The following PTPRQ variants were observed in gnomAD, a reference collection of about 807,000 sequenced individuals.
PTPRQ encodes the protein protein tyrosine phosphatase receptor type Q.
A neutral mutation model predicts 246.0 loss-of-function variants in PTPRQ; 199 were observed. The observed-to-expected ratio is 0.81, with a 90% CI of 0.72 to 0.91. The LOEUF (loss-of-function observed/expected upper bound fraction) is 0.91. Ranked by LOEUF, PTPRQ falls within the 40% of genes least tolerant of loss-of-function variation. The pLI, the probability that PTPRQ is intolerant of heterozygous loss-of-function variation, is 0.00. For missense variants in PTPRQ, 2,624 were observed against 2,528.4 expected, an observed-to-expected ratio of 1.04 and a Z score of -0.81; for synonymous variants, 869 against 853.2, an observed-to-expected ratio of 1.02 and a Z score of -0.32.
chr12:80,535,936 T>C (rs1380542032), intron 19 of PTPRQ, among the ~76,000 whole-genome samples: 1 of 152,010 alleles, frequency 6.6e-6, no homozygotes, highest in Non-Finnish European at 1.5e-5. Flanking sequence ...TGAAACCCCG[T>C]CTCTACTAAA....
chr12:80,642,772 T>C (rs1899912898), intron 35 of PTPRQ, among the ~76,000 whole-genome samples: 11 of 149,588 alleles, frequency 7.4e-5, no homozygotes, highest in Admixed American at 7.3e-4. Flanking sequence ...TACAAAAAAT[T>C]AGCCGGGCGT....
intron 1 of PTPRQ, 86 bp from the exon 2 acceptor site, chr12:80,444,655 A>G: frequency 1.0e-6 from 1 of 975,416 alleles, no homozygotes; most frequent in Non-Finnish European, 1.6e-6. Flanking sequence ...GTGAAGAGTT[A>G]ATTTTTGTTA....
chr12:80,483,817 G>A (rs561268826), intron 8 of PTPRQ, among the ~76,000 whole-genome samples: 2 of 151,732 alleles, frequency 1.3e-5, no homozygotes, highest in East Asian at 3.9e-4. Flanking sequence ...TCCCTCTTAT[G>A]AGTGTGAACA....
chr12:80,674,940 TG>T (rs1318158640), intron 43 of PTPRQ, among the ~76,000 whole-genome samples: 3 of 152,174 alleles, frequency 2.0e-5, no homozygotes, highest in Non-Finnish European at 4.4e-5. Flanking sequence ...GCCAATTTTT[TG>T]TCATTCATTT....
intron 23 of PTPRQ, among the ~76,000 whole-genome samples, chr12:80,543,888 A>G (rs1210687286): frequency 6.6e-6 from 1 of 152,108 alleles, no homozygotes; most frequent in Non-Finnish European, 1.5e-5. Flanking sequence ...TTTAATATCT[A>G]TCCCTGGTTT....
In PTPRQ at chr12:80,620,245, A is replaced by G; in HGVS notation, c.5481A>G (p.Pro1827=). Residue 1827 remains proline, a synonymous_variant, in exon 32 of 45, where the codon CCA becomes CCG. Coordinates refer to ENST00000644991, the MANE Select transcript of PTPRQ (RefSeq NM_001145026.2). ...YFTNEGFPNP[P]CTEGKTKFSG... ...CAAATGAAGGCTTTCCTAACCCTCCATGTACAGAAGGAAAGACAAAGTTTA... is the reference window on the plus strand; with the variant it reads ...CAAATGAAGGCTTTCCTAACCCTCCGTGTACAGAAGGAAAGACAAAGTTTA... 6.5e-7 allele frequency: 1 copy of G among 1,549,458 alleles called. No individual in the cohort carries two copies. Among genetic ancestry groups the G allele is most frequent in the East Asian group, 2.4e-5 (1 of 40,834 alleles).
At chr12:80,511,649 T>C (rs1307146934) in intron 17 of PTPRQ, among the ~76,000 whole-genome samples, 1 of 152,184 alleles carries the variant, frequency 6.6e-6, no homozygotes, top group African/African-American at 2.4e-5. Context: ...GAAGTGTCAT[T>C]GAGCTGTGAT....
intron 30 of PTPRQ, 135 bp downstream of exon 30, chr12:80,616,401 T>A (rs1898763730): frequency 2.8e-6 from 2 of 723,534 alleles, no homozygotes; most frequent in East Asian, 8.5e-5. Context: ...TAAGTAAAAA[T>A]GTGTGGTTAT....
At chr12:80,573,275 G>A (rs978454334) in intron 25 of PTPRQ, among the ~76,000 whole-genome samples, 1 of 152,160 alleles carries the variant, frequency 6.6e-6, no homozygotes, top group Non-Finnish European at 1.5e-5. Context: ...GGATCACGAG[G>A]TCAGTAGATC....
At chr12:80,648,580 C>A (rs1900154132) in intron 35 of PTPRQ, among the ~76,000 whole-genome samples, 1 of 151,910 alleles carries the variant, frequency 6.6e-6, no homozygotes, top group East Asian at 1.9e-4. Flanking sequence ...AAATACCATG[C>A]AATATATTAA....
In PTPRQ at chr12:80,444,853, A is replaced by G; in HGVS notation, c.163+4A>G. ...ATAGTGACAACAAATGTAACAAGTG[A>G]GTATATGTTTTAAATTACTTTGTAA... On this transcript the variant is annotated splice_donor_region_variant and intron_variant, in intron 2 of 44. Transcript: ENST00000644991. The G allele has an allele frequency of 6.6e-7, 1 of 1,519,270 alleles. No individual in the cohort carries two copies. Among genetic ancestry groups the G allele is most frequent in the African/African-American group, 1.4e-5 (1 of 72,042 alleles). 94.1% of individuals were successfully genotyped at this position (1,519,270 alleles called of 1,614,324 possible). A position where few individuals can be genotyped will look rare whatever the true frequency, so the allele number is the denominator to read the frequency against.
intron 19 of PTPRQ, among the ~76,000 whole-genome samples, chr12:80,536,852 A>G (rs1328861888): frequency 6.6e-6 from 1 of 152,216 alleles, no homozygotes; most frequent in African/African-American, 2.4e-5. Context: ...TTTAAAAAAC[A>G]TTGCACAATT....
At chr12:80,628,429 A>G (rs1256341991) in intron 33 of PTPRQ, among the ~76,000 whole-genome samples, 1 of 152,202 alleles carries the variant, frequency 6.6e-6, no homozygotes, top group Non-Finnish European at 1.5e-5. Flanking sequence ...TATTTTACAC[A>G]TTGGTAACCT....
At chr12:80,645,477 T>C (rs1238942449) in intron 35 of PTPRQ, among the ~76,000 whole-genome samples, 2 of 151,826 alleles carry the variant, frequency 1.3e-5, no homozygotes, top group Non-Finnish European at 2.9e-5. Flanking sequence ...TCTGAATTCA[T>C]CCACAATTTT....
rs187252092 is a variant in PTPRQ at position 80,647,609 on chromosome 12, G to A, written c.5916-1288G>A. Among the ~76,000 whole-genome samples, 532 of 152,168 alleles carry A rather than the reference G, an allele frequency of 3.5e-3. 4 individuals carry two copies. The highest frequency in any genetic ancestry group is 6.5e-3 in the Non-Finnish European group (444 of 67,994). ...TTACTATGTCAGAGATATTTCCAGGGCCTCCAATATTCAGACATTCTATTT... is the reference window on the plus strand; with the variant it reads ...TTACTATGTCAGAGATATTTCCAGGACCTCCAATATTCAGACATTCTATTT... On this transcript the variant is annotated intron_variant, in intron 35 of 44. Coordinates refer to ENST00000644991, the MANE Select transcript of PTPRQ (RefSeq NM_001145026.2).
chr12:80,482,058 G>T lies in PTPRQ; in HGVS notation c.1187-2375G>T, dbSNP rs200808755. 1.0e-3 allele frequency among the ~76,000 whole-genome samples: 155 copies of T among 150,070 alleles called. No individual in the cohort carries two copies. In the East Asian group the frequency reaches 0.022, roughly 21 times the overall value. The stretch of plus-strand genomic sequence containing the variant: ...TTCATATGGAACCAAAAAAGAGCCC[G>T]CATCGCCAAGTCAATCCTAAGCCAA... On this transcript the variant is annotated intron_variant, in intron 8 of 44. Transcript: ENST00000644991.
intron 17 of PTPRQ, among the ~76,000 whole-genome samples, chr12:80,522,553 T>C (rs2120761075): frequency 6.6e-6 from 1 of 152,302 alleles, no homozygotes; most frequent in Admixed American, 6.5e-5. Flanking sequence ...ACCTAATTTA[T>C]TGAGAGTTTT....
intron 41 of PTPRQ, 117 bp downstream of exon 41, chr12:80,669,581 T>TACAAAA: frequency 7.4e-7 from 1 of 1,348,494 alleles, no homozygotes; most frequent in Non-Finnish European, 9.7e-7. Context: ...TATTCAACAA[T>TACAAAA]GCTTTTGTAT....
rs1038544648 is a variant in PTPRQ at position 80,657,945 on chromosome 12, A to T, written c.6116-40A>T. On this transcript the variant is annotated intron_variant, in intron 38 of 44. Transcript: ENST00000644991. ...ATAGTAAAAAAAGTAGTAACAATTT[A>T]AAAAGCCAATTAACATTGATTCCTT... 51 of 1,326,066 alleles carry T rather than the reference A, an allele frequency of 3.8e-5. No individual in the cohort carries two copies. The East Asian group carries it at 1.5e-3, about 38-fold the overall frequency. The allele number at this position is 1,326,066 out of a possible 1,614,324, so 82.1% of individuals were successfully genotyped here.
Sources: allele counts gnomAD v4.1 joint callset (sites outside exome capture counted in the v4.1 genomes callset), GRCh38; gene constraint gnomAD v4.1.1; transcripts MANE v1.5; gene names NCBI Gene and HGNC (gene_info 2026-07-23, HGNC 2026-07-21).